CENPW: variants seen among roughly 807,000 people sequenced by gnomAD.
CENPW encodes cancer-up-regulated gene 2 protein.
In CENPW, 3 loss-of-function variants were observed where a neutral mutation model predicts 11.1. The observed-to-expected ratio is 0.27, with a 90% CI of 0.12 to 0.70. The LOEUF (loss-of-function observed/expected upper bound fraction) is 0.70. CENPW is among the 30% of genes least tolerant of loss of function. The pLI, the probability that CENPW is intolerant of heterozygous loss-of-function variation, is 0.77. For synonymous variants in CENPW, 38 were observed against 42.0 expected, an observed-to-expected ratio of 0.91 and a Z score of 0.37; for missense variants, 100 against 105.6, an observed-to-expected ratio of 0.95 and a Z score of 0.23.
the CENPW span, among the ~76,000 whole-genome samples, chr6:126,380,078 T>TA: frequency 1.3e-5 from 2 of 152,158 alleles, no homozygotes; most frequent in East Asian, 3.9e-4. Flanking sequence ...AGTTCATCAC[T>TA]AAAGTGACTT....
intron 1 of CENPW, among the ~76,000 whole-genome samples, chr6:126,341,479 T>C (rs1780309598): frequency 3.3e-5 from 5 of 152,202 alleles, no homozygotes; most frequent in Admixed American, 3.3e-4. Context: ...TATAGAATTA[T>C]CGCCCCTTTC....
chr6:126,368,999 C>T, the CENPW span, among the ~76,000 whole-genome samples: 2 of 152,126 alleles, frequency 1.3e-5, no homozygotes, highest in Admixed American at 6.6e-5. Flanking sequence ...TTTGTGTCCT[C>T]ATAGCTTAGC....
chr6:126,396,487 A>T, the CENPW span, among the ~76,000 whole-genome samples: 1 of 152,166 alleles, frequency 6.6e-6, no homozygotes, highest in Admixed American at 6.5e-5. Context: ...CAGAAATGTC[A>T]TCCAAGAGCC....
chr6:126,370,838 C>T, the CENPW span, among the ~76,000 whole-genome samples: 9 of 151,906 alleles, frequency 5.9e-5, no homozygotes, highest in South Asian at 8.3e-4. Flanking sequence ...CTACAACCTC[C>T]GCCTCCCAGG....
At chr6:126,477,356 A>C in the CENPW span, among the ~76,000 whole-genome samples, 8 of 152,034 alleles carry the variant, frequency 5.3e-5, no homozygotes. Context: ...TGGCATGAGA[A>C]CAAATGTAAA....
At chr6:126,426,253 A>G in the CENPW span, among the ~76,000 whole-genome samples, 10 of 152,212 alleles carry the variant, frequency 6.6e-5, no homozygotes, top group Non-Finnish European at 1.5e-4. Flanking sequence ...ACAACCAAGT[A>G]GGAAAATGGA....
the CENPW span, among the ~76,000 whole-genome samples, chr6:126,401,686 T>C: frequency 1.3e-5 from 2 of 152,034 alleles, no homozygotes; most frequent in Admixed American, 6.6e-5. Flanking sequence ...GGAGATGGAT[T>C]TGGGGTTGGG....
the CENPW span, among the ~76,000 whole-genome samples, chr6:126,372,895 T>C: frequency 1.3e-5 from 2 of 152,238 alleles, no homozygotes; most frequent in African/African-American, 4.8e-5. Context: ...ATAGATTCTA[T>C]GCCCTGGAGT....
the CENPW span, among the ~76,000 whole-genome samples, chr6:126,369,553 T>C: frequency 6.6e-6 from 1 of 152,250 alleles, no homozygotes; most frequent in Admixed American, 6.5e-5. Context: ...TTGTTTCATA[T>C]GTTTGTTGGC....
chr6:126,446,346 C>A, the CENPW span, among the ~76,000 whole-genome samples: 1 of 142,916 alleles, frequency 7.0e-6, no homozygotes, highest in Non-Finnish European at 1.5e-5. Flanking sequence ...CTTCAAATGA[C>A]CCCCTCCCTG....
At chr6:126,392,763 T>A in the CENPW span, among the ~76,000 whole-genome samples, 1 of 151,978 alleles carries the variant, frequency 6.6e-6, no homozygotes, top group Non-Finnish European at 1.5e-5. Flanking sequence ...ATTCTTTTTC[T>A]CATGTGTCTT....
At chr6:126,445,197 CTCACCAGAGGTACTTT>C in the CENPW span, among the ~76,000 whole-genome samples, 2 of 151,106 alleles carry the variant, frequency 1.3e-5, no homozygotes, top group Non-Finnish European at 1.5e-5. Flanking sequence ...TTCTAACAGG[CTCACCAGAGGTACTTT>C]TCTCTTCTCT....
the CENPW span, among the ~76,000 whole-genome samples, chr6:126,432,970 G>T: frequency 6.6e-6 from 1 of 152,112 alleles, no homozygotes; most frequent in Non-Finnish European, 1.5e-5. Flanking sequence ...AAACTCTAGG[G>T]GAAGGAGTGG....
the CENPW span, among the ~76,000 whole-genome samples, chr6:126,460,658 A>G: frequency 6.6e-6 from 1 of 151,786 alleles, no homozygotes; most frequent in African/African-American, 2.4e-5. Flanking sequence ...CAGTAAAAAT[A>G]AATTTTATTC....
rs1359088780 is a variant in CENPW at position 126,340,151 on chromosome 6, G to A, written c.-123G>A. On this transcript the variant is annotated 5_prime_UTR_variant, in exon 1 of 3. Transcript: ENST00000368328. ...GGCGGATTCGAACGTTCGGACTGAGGTTTTTCTGCCTGAAGAAGCGTCATA... is the reference window on the plus strand; with the variant it reads ...GGCGGATTCGAACGTTCGGACTGAGATTTTTCTGCCTGAAGAAGCGTCATA... 1.1e-6 allele frequency: 1 copy of A among 929,302 alleles called. No homozygotes were observed. The highest frequency in any genetic ancestry group is 1.6e-5 in the African/African-American group (1 of 60,770). The allele number at this position is 929,302 out of a possible 1,614,324, so 57.6% of individuals were successfully genotyped here. A position where few individuals can be genotyped will look rare whatever the true frequency, so the allele number is the denominator to read the frequency against.
At chr6:126,462,090 G>T in the CENPW span, among the ~76,000 whole-genome samples, 4 of 151,928 alleles carry the variant, frequency 2.6e-5, no homozygotes, top group Admixed American at 6.6e-5. Context: ...AGAGTGGATT[G>T]TTCATAAATA....
chr6:126,373,092 G>C, the CENPW span, among the ~76,000 whole-genome samples: 1 of 152,104 alleles, frequency 6.6e-6, no homozygotes, highest in Non-Finnish European at 1.5e-5. Flanking sequence ...AAATGTACAA[G>C]ATATAAATGG....
chr6:126,414,905 C>CA, the CENPW span, among the ~76,000 whole-genome samples: 3 of 151,204 alleles, frequency 2.0e-5, no homozygotes, highest in Admixed American at 6.6e-5. Flanking sequence ...AAATTAGAAA[C>CA]AAAAAAATTA....
At chr6:126,413,914 T>A in the CENPW span, among the ~76,000 whole-genome samples, 3 of 151,926 alleles carry the variant, frequency 2.0e-5, no homozygotes, top group Non-Finnish European at 4.4e-5. Context: ...TATATGCTAC[T>A]TGTGAGAAAT....
Sources: allele counts gnomAD v4.1 joint callset (sites outside exome capture counted in the v4.1 genomes callset), GRCh38; gene constraint gnomAD v4.1.1; transcripts MANE v1.5; gene names NCBI Gene and HGNC (gene_info 2026-07-23, HGNC 2026-07-21).